PLEKHO2: variants seen among roughly 807,000 people sequenced by gnomAD.
PLEKHO2 encodes the protein pleckstrin homology domain-containing family O member 2.
Under a neutral mutation model 32.7 loss-of-function variants are expected in PLEKHO2, and 20 were observed. The ratio of observed to expected loss-of-function variants is 0.61; its 90% confidence interval spans 0.43 to 0.89. The LOEUF (loss-of-function observed/expected upper bound fraction) is 0.89, where lower values mean the gene tolerates loss of function less well. PLEKHO2 is among the 40% of genes least tolerant of loss of function. The pLI is 0.00. For missense variants in PLEKHO2, 568 were observed against 621.2 expected (o/e 0.91, Z 0.91); for synonymous variants, 247 against 246.3 (o/e 1.00, Z -0.03).
intron 1 of PLEKHO2, among the ~76,000 whole-genome samples, chr15:64,843,909 C>T (rs1055672000): frequency 1.3e-5 from 2 of 152,070 alleles, no homozygotes; most frequent in African/African-American, 4.8e-5. Context: ...TCCTAGATGC[C>T]CAAAGCTCTC....
chr15:64,848,968 T>A lies in PLEKHO2; in HGVS notation c.162+226T>A, dbSNP rs2084544613. The stretch of plus-strand genomic sequence containing the variant: ...TCTAGATGAGAGTTCTTTTCTTATT[T>A]TTTTAAACTTAATTCTTTTTTTTTT... On this transcript the variant is annotated intron_variant, in intron 2 of 5. Coordinates refer to ENST00000323544, the MANE Select transcript of PLEKHO2 (RefSeq NM_025201.5). Among the ~76,000 whole-genome samples the A allele has an allele frequency of 2.0e-5, 3 of 152,196 alleles. No individual in the cohort carries two copies. In the South Asian group the frequency reaches 6.2e-4, roughly 31 times the overall value.
chr15:64,861,238 A>T (rs1343395831), intron 4 of PLEKHO2, among the ~76,000 whole-genome samples: 1 of 152,260 alleles, frequency 6.6e-6, no homozygotes, highest in East Asian at 1.9e-4. Context: ...GCAAGGGCCG[A>T]TGGCCCATAT....
intron 3 of PLEKHO2, among the ~76,000 whole-genome samples, chr15:64,855,772 T>A (rs1425463390): frequency 6.6e-6 from 1 of 152,206 alleles, no homozygotes; most frequent in African/African-American, 2.4e-5. Context: ...TGCACCCATC[T>A]GCGGCTGGGC....
chr15:64,847,762 G>A (rs2084533560), intron 1 of PLEKHO2, among the ~76,000 whole-genome samples: 1 of 152,180 alleles, frequency 6.6e-6, no homozygotes, highest in Admixed American at 6.5e-5. Context: ...AGAGTCCTTG[G>A]AACCCTCACC....
chr15:64,852,666 G>A (rs1000717414), intron 2 of PLEKHO2, among the ~76,000 whole-genome samples: 3 of 151,884 alleles, frequency 2.0e-5, no homozygotes, highest in Admixed American at 1.3e-4. Context: ...TGTCACCCAG[G>A]CTGGAGTGCA....
chr15:64,866,287 G>A lies in PLEKHO2; in HGVS notation c.*399G>A. ...ATTCCTGACTTCTGAATACAGCACA[G>A]CTGAGCCCCCTGCAGCTCCCATCTC... On this transcript the variant is annotated 3_prime_UTR_variant, in exon 6 of 6. Transcript: ENST00000323544. The A allele has an allele frequency of 2.2e-6, 1 of 464,270 alleles. No homozygotes were observed. Among genetic ancestry groups the A allele is most frequent in the Non-Finnish European group, 4.3e-6 (1 of 232,706 alleles). The allele number at this position is 464,270 out of a possible 1,614,324, so 28.8% of individuals were successfully genotyped here.
At chr15:64,862,802 G>C (rs961620801) in intron 5 of PLEKHO2, among the ~76,000 whole-genome samples, 5 of 151,852 alleles carry the variant, frequency 3.3e-5, no homozygotes, top group African/African-American at 1.2e-4. Context: ...TATACTTTAA[G>C]TTTTAGGGTA....
At chr15:64,863,529 G>GTGTGTT (rs563901235) in intron 5 of PLEKHO2, among the ~76,000 whole-genome samples, 13,402 of 150,486 alleles carry the variant, frequency 0.089, 1,835 homozygotes, top group African/African-American at 0.29. Context: ...TTGTGTGTGT[G>GTGTGTT]TGTGTGTGTG....
At chr15:64,843,725 CA>C (rs2084502898) in intron 1 of PLEKHO2, among the ~76,000 whole-genome samples, 2 of 152,058 alleles carry the variant, frequency 1.3e-5, no homozygotes, top group Non-Finnish European at 2.9e-5. Context: ...GGATTACAGG[CA>C]TGCACCACCA....
chr15:64,855,599 A>G (rs977048220), intron 3 of PLEKHO2, among the ~76,000 whole-genome samples: 1 of 152,146 alleles, frequency 6.6e-6, no homozygotes, highest in Non-Finnish European at 1.5e-5. Context: ...CTGGCTTGAG[A>G]GAGTCTTTCC....
At position 64,861,523 on chromosome 15, in the gene PLEKHO2, G is replaced by C; in HGVS notation, c.431G>C (p.Arg144Pro). ...SCALEHVTRDRVRGGQRRRPP... is the reference protein window; with the variant it reads ...SCALEHVTRDPVRGGQRRRPP... ...GCCCTGGAGCATGTGACACGGGACCGGGTGCGAGGGGGCCAGCGACGCCGG... is the reference window on the plus strand; with the variant it reads ...GCCCTGGAGCATGTGACACGGGACCCGGTGCGAGGGGGCCAGCGACGCCGG... Residue 144 changes from arginine (R) to proline (P), a missense_variant, in exon 5 of 6, where the codon CGG becomes CCG. Coordinates refer to ENST00000323544, the MANE Select transcript of PLEKHO2 (RefSeq NM_025201.5). 1 of 1,609,244 alleles carries C rather than the reference G, an allele frequency of 6.2e-7. No homozygotes were observed. The highest frequency in any genetic ancestry group is 8.5e-7 in the Non-Finnish European group (1 of 1,178,324).
In PLEKHO2 at chr15:64,861,466, C is replaced by A. The variant is rs761170072; in HGVS notation, c.385-11C>A. ...CTTGGCAGGGGCTGATCTGGTTCCC[C>A]CTCCCTCCAGGTAAAGGTGGACAAG... On this transcript the variant is annotated splice_polypyrimidine_tract_variant and intron_variant, in intron 4 of 5. Coordinates refer to ENST00000323544, the MANE Select transcript of PLEKHO2 (RefSeq NM_025201.5). 11 of 1,579,130 alleles carry A rather than the reference C, an allele frequency of 7.0e-6. No individual in the cohort carries two copies. Among genetic ancestry groups the A allele is most frequent in the East Asian group, 2.3e-5 (1 of 43,584 alleles).
intron 1 of PLEKHO2, 41 bp from the exon 2 acceptor site, chr15:64,848,552 T>C: frequency 6.2e-7 from 1 of 1,612,322 alleles, no homozygotes; most frequent in Non-Finnish European, 8.5e-7. Flanking sequence ...TGTGACCCCA[T>C]GGTAGCAACC....
chr15:64,842,400 G>C (rs1165565517), intron 1 of PLEKHO2, among the ~76,000 whole-genome samples: 7 of 151,402 alleles, frequency 4.6e-5, no homozygotes, highest in African/African-American at 1.7e-4. Context: ...CTGTGTGTGT[G>C]TGTGTGTGTG....
At chr15:64,855,622 G>C (rs2084601603) in intron 3 of PLEKHO2, among the ~76,000 whole-genome samples, 1 of 152,264 alleles carries the variant, frequency 6.6e-6, no homozygotes. Flanking sequence ...GGGACATGCT[G>C]TGTGTACAGA....
At chr15:64,852,021 G>A (rs2084573187) in intron 2 of PLEKHO2, among the ~76,000 whole-genome samples, 1 of 152,108 alleles carries the variant, frequency 6.6e-6, no homozygotes, top group Admixed American at 6.5e-5. Context: ...GCTGCTTGTA[G>A]GGTGCAGTTG....
Position 64,841,943 on chromosome 15 carries a change from G to A in PLEKHO2, c.-74G>A, listed in dbSNP as rs980205265. On this transcript the variant is annotated 5_prime_UTR_variant, in exon 1 of 6. Coordinates refer to ENST00000323544, the MANE Select transcript of PLEKHO2 (RefSeq NM_025201.5). ...ACGCGGAGAGTCGCCGCCTGGCCGG[G>A]CGTAGACGCGGTGGCAGAGCCCGCG... 19 of 1,233,800 alleles carry A rather than the reference G, an allele frequency of 1.5e-5. No homozygotes were observed. The South Asian group carries it at 2.6e-4, about 17-fold the overall frequency. The allele number at this position is 1,233,800 out of a possible 1,614,324, so 76.4% of individuals were successfully genotyped here. A position where few individuals can be genotyped will look rare whatever the true frequency, so the allele number is the denominator to read the frequency against.
intron 2 of PLEKHO2, among the ~76,000 whole-genome samples, chr15:64,850,839 T>G (rs2084562247): frequency 6.6e-6 from 1 of 152,220 alleles, no homozygotes; most frequent in East Asian, 1.9e-4. Flanking sequence ...ATGCTATTTG[T>G]GTGCTGTGGT....
chr15:64,841,935 C>T lies in PLEKHO2; in HGVS notation c.-82C>T. Reference sequence around the variant, plus strand: ...GGGACAGAACGCGGAGAGTCGCCGCCTGGCCGGGCGTAGACGCGGTGGCAG... The same window carrying T: ...GGGACAGAACGCGGAGAGTCGCCGCTTGGCCGGGCGTAGACGCGGTGGCAG... On this transcript the variant is annotated 5_prime_UTR_variant, in exon 1 of 6. Transcript: ENST00000323544. 8.2e-6 allele frequency: 10 copies of T among 1,224,430 alleles called. No individual in the cohort carries two copies. Among genetic ancestry groups the T allele is most frequent in the Non-Finnish European group, 1.0e-5 (10 of 979,804 alleles). The allele number at this position is 1,224,430 out of a possible 1,614,324, so 75.8% of individuals were successfully genotyped here.
Sources: gnomAD v4.1 joint callset for allele counts (sites outside exome capture counted in the v4.1 genomes callset) on GRCh38, gnomAD v4.1.1 for gene constraint, MANE v1.5 for transcripts, NCBI Gene and HGNC (gene_info 2026-07-23, HGNC 2026-07-21) for gene names.